Variants in TECPR2 observed in about 807,000 individuals in gnomAD.
TECPR2 encodes the protein tectonin beta-propeller repeat containing 2, also known as tectonin beta-propeller repeat-containing protein 2.
TECPR2 carries 65 observed loss-of-function variants against 138.1 expected under a neutral mutation model. That is an observed-to-expected ratio of 0.47 (90% CI 0.39 to 0.58). TECPR2 has a LOEUF of 0.58. Ranked by LOEUF, TECPR2 falls within the 20% of genes least tolerant of loss-of-function variation. TECPR2 has a pLI of 0.00. For synonymous variants in TECPR2, 746 were observed against 749.8 expected (o/e 0.99, Z 0.08); for missense variants, 1,553 against 1,824.5 (o/e 0.85, Z 2.71).
Position 102,438,206 on chromosome 14 carries a change from G to T in TECPR2, c.2578+1G>T. 6.2e-7 allele frequency: 1 copy of T among 1,602,080 alleles called. No individual in the cohort carries two copies. ...CAGCAGGTGGCAGTCTCGCCCTCAG[G>T]TTCGCCTCCCCGCTCCCTGCTCCCG... On this transcript the variant is annotated splice_donor_variant, in intron 10 of 19. Transcript: ENST00000359520. LOFTEE classifies it high-confidence loss of function.
chr14:102,416,420 C>T (rs1329040751), intron 5 of TECPR2, among the ~76,000 whole-genome samples: 1 of 152,156 alleles, frequency 6.6e-6, no homozygotes. Context: ...CACATGCGGC[C>T]TGCTGAACAC....
intron 7 of TECPR2, among the ~76,000 whole-genome samples, chr14:102,431,550 G>GC (rs1889483259): frequency 6.6e-6 from 1 of 152,024 alleles, no homozygotes; most frequent in East Asian, 1.9e-4. Context: ...CACTGTGTTA[G>GC]CCAGGATGGT....
chr14:102,376,970 G>C lies in TECPR2; in HGVS notation c.219+30G>C, dbSNP rs115827302. On this transcript the variant is annotated intron_variant, in intron 2 of 19. Transcript: ENST00000359520. Reference sequence around the variant, plus strand: ...GCCTTGCTTTGCTTTTCACCTGAGGGGGCACGAGCCATAGCTGACGCTTAA... The same window carrying C: ...GCCTTGCTTTGCTTTTCACCTGAGGCGGCACGAGCCATAGCTGACGCTTAA... 382 of 1,595,342 alleles carry C rather than the reference G, an allele frequency of 2.4e-4. 1 individual carries two copies. The African/African-American group carries it at 4.5e-3, about 19-fold the overall frequency.
intron 2 of TECPR2, among the ~76,000 whole-genome samples, chr14:102,394,864 C>A (rs76994589): frequency 6.6e-6 from 1 of 152,156 alleles, no homozygotes; most frequent in African/African-American, 2.4e-5. Context: ...GTTCTGTTTA[C>A]CCCTTTTCTA....
At chr14:102,385,628 A>G in intron 2 of TECPR2, among the ~76,000 whole-genome samples, 1 of 152,088 alleles carries the variant, frequency 6.6e-6, no homozygotes, top group East Asian at 1.9e-4. Flanking sequence ...ACTCTGGGAG[A>G]ATCCCATGTA....
intron 17 of TECPR2, among the ~76,000 whole-genome samples, chr14:102,469,534 C>G (rs1362189040): frequency 6.6e-6 from 1 of 152,106 alleles, no homozygotes; most frequent in Non-Finnish European, 1.5e-5. Context: ...TTTACTTCTT[C>G]CTTTCTATCT....
chr14:102,410,740 C>G (rs1375624746), intron 4 of TECPR2, among the ~76,000 whole-genome samples: 1 of 152,220 alleles, frequency 6.6e-6, no homozygotes, highest in African/African-American at 2.4e-5. Flanking sequence ...TATCTTCTGT[C>G]TAGTCATATT....
chr14:102,369,636 G>GTCAAACAT (rs1161575113), intron 1 of TECPR2, among the ~76,000 whole-genome samples: 1 of 151,988 alleles, frequency 6.6e-6, no homozygotes, highest in Non-Finnish European at 1.5e-5. Context: ...ATGTTGCCCA[G>GTCAAACAT]GCTGATGTCA....
At chr14:102,437,999 C>G in intron 9 of TECPR2, 23 bp from the exon 10 acceptor site, 1 of 1,609,608 alleles carries the variant, frequency 6.2e-7, no homozygotes, top group Non-Finnish European at 8.5e-7. Context: ...TGCCACAGAA[C>G]TCACTGGCTC....
intron 13 of TECPR2, among the ~76,000 whole-genome samples, chr14:102,447,947 G>A (rs1399401800): frequency 6.6e-6 from 1 of 152,132 alleles, no homozygotes; most frequent in Non-Finnish European, 1.5e-5. Flanking sequence ...TTTCAGATGA[G>A]AATGTAGAAA....
At chr14:102,433,344 A>G (rs139308399) in intron 8 of TECPR2, among the ~76,000 whole-genome samples, 4 of 151,816 alleles carry the variant, frequency 2.6e-5, no homozygotes, top group East Asian at 1.9e-4. Context: ...TGTCCTTCCC[A>G]TGTTTATGTC....
chr14:102,374,958 A>C (rs1178480328), intron 1 of TECPR2, among the ~76,000 whole-genome samples: 1 of 152,156 alleles, frequency 6.6e-6, no homozygotes, highest in Admixed American at 6.5e-5. Context: ...CTCTGCTGTT[A>C]TGGGCCTTAC....
rs752188977 is a variant in TECPR2 at position 102,428,229 on chromosome 14, T to G, written c.952-21T>G. 1.1e-3 allele frequency: 1,439 copies of G among 1,339,862 alleles called. 2 individuals are homozygous for G. The highest frequency in any genetic ancestry group is 4.5e-3 in the East Asian group (157 of 34,936). The allele number at this position is 1,339,862 out of a possible 1,614,324, so 83.0% of individuals were successfully genotyped here. ...TTTAGTTTTGTGTTTTTTGTTTTTTTTTTTTTTTTTTTTTTGACAGGCCAC... is the reference window on the plus strand; with the variant it reads ...TTTAGTTTTGTGTTTTTTGTTTTTTGTTTTTTTTTTTTTTTGACAGGCCAC... On this transcript the variant is annotated intron_variant, in intron 6 of 19. Coordinates refer to ENST00000359520, the MANE Select transcript of TECPR2 (RefSeq NM_014844.5).
At chr14:102,487,846 G>GT (rs36006413) in intron 17 of TECPR2, among the ~76,000 whole-genome samples, 31,944 of 129,312 alleles carry the variant, frequency 0.25, 4,085 homozygotes, top group Middle Eastern at 0.37. Context: ...CGGCCTGTTT[G>GT]TTTTTTTTTT....
rs570106737 is a variant in TECPR2, at chr14:102,496,915, G to T, written c.3790-64G>T. On this transcript the variant is annotated intron_variant, in intron 17 of 19. Transcript: ENST00000359520. ...CACTAACATGTCCCCAGTTCCGGAA[G>T]TCTCCTGTCCTTTCTCTTGTCACCC... The T allele has an allele frequency of 3.8e-6, 6 of 1,584,596 alleles. 1 individual carries two copies. The highest frequency in any genetic ancestry group is 2.3e-5 in the South Asian group (2 of 85,988).
chr14:102,470,549 C>G (rs545892974), intron 17 of TECPR2, among the ~76,000 whole-genome samples: 9 of 152,078 alleles, frequency 5.9e-5, no homozygotes, highest in African/African-American at 2.2e-4. Flanking sequence ...CTCAAATGAT[C>G]CACCCTCCAC....
At position 102,365,571 on chromosome 14, in the gene TECPR2, A is replaced by G. The variant is rs1409612113; in HGVS notation, c.-73+2455A>G. On this transcript the variant is annotated intron_variant, in intron 1 of 19. Transcript: ENST00000359520. The stretch of plus-strand genomic sequence containing the variant: ...GAACGAAGTACTGATTTGTGCTACA[A>G]CATGGAGGAACCTTGAGAACATTAG... Among the ~76,000 whole-genome samples the G allele has an allele frequency of 2.0e-5, 3 of 152,250 alleles. No homozygotes were observed. The East Asian group carries it at 5.8e-4, about 29-fold the overall frequency.
intron 17 of TECPR2, among the ~76,000 whole-genome samples, chr14:102,480,567 T>G (rs1397559632): frequency 6.6e-6 from 1 of 151,810 alleles, no homozygotes; most frequent in African/African-American, 2.4e-5. Context: ...TCATTCAAGC[T>G]GAAGTGCAGT....
chr14:102,429,885 T>C (rs564831259), intron 7 of TECPR2, among the ~76,000 whole-genome samples: 89 of 152,348 alleles, frequency 5.8e-4, no homozygotes, highest in African/African-American at 2.1e-3. Context: ...AGGCAGTCCC[T>C]GTCCATGTGT....
Sources: allele counts gnomAD v4.1 joint callset (sites outside exome capture counted in the v4.1 genomes callset), GRCh38; gene constraint gnomAD v4.1.1; transcripts MANE v1.5; gene names NCBI Gene and HGNC (gene_info 2026-07-23, HGNC 2026-07-21).